The following BCAR3 variants were observed in gnomAD, a reference collection of about 807,000 sequenced individuals.
The protein encoded by BCAR3 is breast cancer anti-estrogen resistance protein 3.
A neutral mutation model predicts 80.1 loss-of-function variants in BCAR3; 37 were observed. That is an observed-to-expected ratio of 0.46 (90% CI 0.36 to 0.61). The LOEUF (loss-of-function observed/expected upper bound fraction) is 0.61, where lower values mean the gene tolerates loss of function less well. BCAR3 is among the 20% of genes least tolerant of loss of function. The probability of loss-of-function intolerance (pLI) is 0.00; values close to 1 mark genes in which losing one functional copy is unlikely to be tolerated. For missense variants in BCAR3, 978 were observed against 1,068.2 expected (o/e 0.92, Z 1.18); for synonymous variants, 389 against 418.9 (o/e 0.93, Z 0.87).
At chr1:93,837,472 T>A (rs1221069896) in intron 2 of BCAR3, among the ~76,000 whole-genome samples, 1 of 152,208 alleles carries the variant, frequency 6.6e-6, no homozygotes, top group Non-Finnish European at 1.5e-5. Flanking sequence ...CAGCTCCTGT[T>A]CCTGGTCTCT....
chr1:93,736,073 A>C (rs1650960782), intron 2 of BCAR3, among the ~76,000 whole-genome samples: 1 of 152,268 alleles, frequency 6.6e-6, no homozygotes, highest in African/African-American at 2.4e-5. Context: ...TGGTAGGAAG[A>C]AAGAGGAGCT....
chr1:93,796,500 C>T (rs1158852346), intron 2 of BCAR3, among the ~76,000 whole-genome samples: 1 of 149,590 alleles, frequency 6.7e-6, no homozygotes, highest in East Asian at 2.0e-4. Context: ...GGCAATGCCT[C>T]CCCCTGCTTC....
intron 2 of BCAR3, among the ~76,000 whole-genome samples, chr1:93,813,714 T>C (rs1653925389): frequency 6.6e-6 from 1 of 152,240 alleles, no homozygotes; most frequent in Non-Finnish European, 1.5e-5. Flanking sequence ...ATATTATGAT[T>C]GCAACTTTAG....
chr1:93,604,017 A>G (rs1168326321), intron 3 of BCAR3, among the ~76,000 whole-genome samples: 2 of 152,242 alleles, frequency 1.3e-5, no homozygotes, highest in African/African-American at 4.8e-5. Flanking sequence ...AAATAAATTT[A>G]TCTCTTCCAA....
In BCAR3 at chr1:93,575,923, G is replaced by A. The variant is rs748771353; in HGVS notation, c.1802+91C>T. 41 of 1,076,396 alleles carry A rather than the reference G, an allele frequency of 3.8e-5. No individual in the cohort carries two copies. The African/African-American group carries it at 6.1e-4, about 16-fold the overall frequency. 66.7% of individuals were successfully genotyped at this position (1,076,396 alleles called of 1,614,324 possible). ...AGTACTGTTACCCCAGGGCTAGGCT[G>A]GTGCTGCGCCTCTCTTTGTTCTAAA... is the stretch of plus-strand genomic sequence containing the variant. On this transcript the variant is annotated intron_variant, in intron 8 of 11. Transcript: ENST00000260502.
chr1:93,609,344 C>T (rs1291921008), intron 3 of BCAR3, among the ~76,000 whole-genome samples: 1 of 152,222 alleles, frequency 6.6e-6, no homozygotes, highest in Non-Finnish European at 1.5e-5. Flanking sequence ...GGCCACTAGA[C>T]TTAAGGCCTG....
At chr1:93,790,057 A>G (rs1653087210) in intron 2 of BCAR3, among the ~76,000 whole-genome samples, 1 of 152,174 alleles carries the variant, frequency 6.6e-6, no homozygotes. Context: ...GACTGCCTTT[A>G]CTTACATTCT....
At chr1:93,714,279 C>T (rs994625352) in intron 2 of BCAR3, among the ~76,000 whole-genome samples, 1 of 152,252 alleles carries the variant, frequency 6.6e-6, no homozygotes, top group Admixed American at 6.5e-5. Context: ...CCGCGCCCGG[C>T]CCCATCATAC....
chr1:93,651,853 G>A lies in BCAR3; in HGVS notation c.318-9510C>T, dbSNP rs113816321. On this transcript the variant is annotated intron_variant, in intron 2 of 11. Coordinates refer to ENST00000260502, the MANE Select transcript of BCAR3 (RefSeq NM_003567.4). ...CCAAGAGAAGCGGCATCACATTTAG[G>A]ATGCCTCCCAAGCCCGTGTCAGCAC... 1.1e-3 allele frequency among the ~76,000 whole-genome samples: 168 copies of A among 152,198 alleles called. 1 individual carries two copies. Among genetic ancestry groups the A allele is most frequent in the African/African-American group, 3.6e-3 (151 of 41,518 alleles).
chr1:93,842,458 T>C (rs1301644812), intron 2 of BCAR3, among the ~76,000 whole-genome samples: 1 of 152,194 alleles, frequency 6.6e-6, no homozygotes, highest in Non-Finnish European at 1.5e-5. Flanking sequence ...GCCTGGACTA[T>C]CATCCTTTCT....
At chr1:93,569,908 C>T (rs1321658844) in intron 9 of BCAR3, among the ~76,000 whole-genome samples, 2 of 152,216 alleles carry the variant, frequency 1.3e-5, no homozygotes, top group African/African-American at 4.8e-5. Context: ...TACCCACAGC[C>T]TGGCCTGTTG....
intron 2 of BCAR3, among the ~76,000 whole-genome samples, chr1:93,654,632 A>G (rs1475252864): frequency 6.6e-6 from 1 of 152,180 alleles, no homozygotes; most frequent in Non-Finnish European, 1.5e-5. Context: ...GAACATGCTC[A>G]TTGTCTATTC....
intron 7 of BCAR3, among the ~76,000 whole-genome samples, chr1:93,577,318 C>T (rs1485695416): frequency 6.6e-6 from 1 of 152,112 alleles, no homozygotes; most frequent in Non-Finnish European, 1.5e-5. Flanking sequence ...ACCTTAATTA[C>T]CCCAGGCTAT....
At chr1:93,786,073 G>A (rs1652928937) in intron 2 of BCAR3, among the ~76,000 whole-genome samples, 1 of 140,618 alleles carries the variant, frequency 7.1e-6, no homozygotes, top group Admixed American at 7.1e-5. Flanking sequence ...GGCGCCTGTA[G>A]TCCCAGCTAC....
intron 2 of BCAR3, among the ~76,000 whole-genome samples, chr1:93,660,367 G>A (rs182538226): frequency 6.6e-6 from 1 of 152,326 alleles, no homozygotes; most frequent in East Asian, 1.9e-4. Context: ...TGAGAGGCTG[G>A]CTGATCTTGT....
Position 93,582,409 on chromosome 1 carries a change from G to A in BCAR3, c.1578C>T (p.Pro526=). 1 of 1,614,186 alleles carries A rather than the reference G, an allele frequency of 6.2e-7. No individual in the cohort carries two copies. Among genetic ancestry groups the A allele is most frequent in the South Asian group, 1.1e-5 (1 of 91,090 alleles). ...CTGTTTCCAGGGGCTTATTCTCAGG[G>A]GGAAGGAACTTTGACTCAAACTCGT... The part of the protein sequence containing the change: ...RPNEFESKFL[P]PENKPLETAM... The change falls in exon 7 of 12, where the codon CCC becomes CCT. Residue 526 remains proline, a synonymous_variant. Coordinates refer to ENST00000260502, the MANE Select transcript of BCAR3 (RefSeq NM_003567.4).
intron 2 of BCAR3, among the ~76,000 whole-genome samples, chr1:93,769,363 G>GTC (rs1652273640): frequency 9.1e-6 from 1 of 109,592 alleles, no homozygotes; most frequent in Non-Finnish European, 1.8e-5. Flanking sequence ...GAATGTGTGT[G>GTC]TGTGTGTGTG....
At chr1:93,566,431 C>G (rs7525880) in intron 11 of BCAR3, among the ~76,000 whole-genome samples, 24,901 of 152,132 alleles carry the variant, frequency 0.16, 2,249 homozygotes, top group Non-Finnish European at 0.2. Context: ...TGCTTAAATT[C>G]CTCAGGACAT....
chr1:93,840,206 A>G (rs963638170), intron 2 of BCAR3, among the ~76,000 whole-genome samples: 2 of 152,142 alleles, frequency 1.3e-5, no homozygotes, highest in Non-Finnish European at 2.9e-5. Context: ...TTGCTTGCTG[A>G]TTCTCTCCTG....
Sources: allele counts gnomAD v4.1 joint callset (sites outside exome capture counted in the v4.1 genomes callset), GRCh38; gene constraint gnomAD v4.1.1; transcripts MANE v1.5; gene names NCBI Gene and HGNC (gene_info 2026-07-23, HGNC 2026-07-21).